The following TUSC3 variants were observed in gnomAD, a reference collection of about 807,000 sequenced individuals.
TUSC3 encodes the protein tumor suppressor candidate 3.
A neutral mutation model predicts 44.8 loss-of-function variants in TUSC3; 45 were observed. The ratio of observed to expected loss-of-function variants is 1.00; its 90% CI spans 0.79 to 1.29. The LOEUF is 1.29. TUSC3 is among the 50% of genes most tolerant of loss of function. The probability of loss-of-function intolerance (pLI) is 0.00; values close to 1 mark genes in which losing one functional copy is unlikely to be tolerated. For synonymous variants in TUSC3, 212 were observed against 152.9 expected (o/e 1.39, Z -2.85); for missense variants, 519 against 437.9 (o/e 1.19, Z -1.65).
chr8:15,625,589 A>G (rs1475515542), intron 2 of TUSC3, among the ~76,000 whole-genome samples: 5 of 152,218 alleles, frequency 3.3e-5, no homozygotes, highest in Non-Finnish European at 7.3e-5. Context: ...ATTTTGTACT[A>G]TAACTGCATG....
At chr8:15,842,334 C>G in the TUSC3 span, among the ~76,000 whole-genome samples, 2 of 152,150 alleles carry the variant, frequency 1.3e-5, no homozygotes, top group African/African-American at 2.4e-5. Flanking sequence ...ATCTATAAAT[C>G]AGTCTTAATA....
chr8:15,704,203 C>T (rs964684957), intron 6 of TUSC3, among the ~76,000 whole-genome samples: 4 of 148,898 alleles, frequency 2.7e-5, no homozygotes, highest in African/African-American at 4.9e-5. Flanking sequence ...TATATAGTAT[C>T]GGAAGATGGA....
At chr8:15,663,056 C>T (rs1034390952) in intron 5 of TUSC3, among the ~76,000 whole-genome samples, 1 of 151,784 alleles carries the variant, frequency 6.6e-6, no homozygotes, top group African/African-American at 2.4e-5. Flanking sequence ...TTCAGCAGTT[C>T]CCAGCTCACA....
At chr8:15,658,423 G>C (rs1807265674) in intron 3 of TUSC3, among the ~76,000 whole-genome samples, 2 of 151,966 alleles carry the variant, frequency 1.3e-5, no homozygotes, top group African/African-American at 4.8e-5. Context: ...AAACTTTGTT[G>C]TTATGGGCAG....
chr8:15,578,087 G>C (rs957165003), intron 1 of TUSC3, among the ~76,000 whole-genome samples: 16 of 150,394 alleles, frequency 1.1e-4, no homozygotes, highest in Non-Finnish European at 1.6e-4. Flanking sequence ...TTGTGAATGG[G>C]AGTTCACTCA....
intron 1 of TUSC3, among the ~76,000 whole-genome samples, chr8:15,563,420 A>G (rs924142838): frequency 1.3e-5 from 2 of 152,068 alleles, no homozygotes; most frequent in African/African-American, 4.8e-5. Context: ...GGAAGATTCA[A>G]GAACAAGCTG....
intron 2 of TUSC3, among the ~76,000 whole-genome samples, chr8:15,631,920 G>T (rs1344152610): frequency 6.6e-6 from 1 of 152,040 alleles, no homozygotes; most frequent in Non-Finnish European, 1.5e-5. Flanking sequence ...TGTTGGCCAG[G>T]CTGGTCTTGA....
chr8:15,533,678 G>C (rs1801480753), intron 2 of TUSC3, among the ~76,000 whole-genome samples: 1 of 152,186 alleles, frequency 6.6e-6, no homozygotes, highest in Admixed American at 6.5e-5. Flanking sequence ...GAAAAAACCT[G>C]AGAGGGGCTT....
intron 2 of TUSC3, among the ~76,000 whole-genome samples, chr8:15,648,034 T>G (rs1296189998): frequency 1.3e-5 from 2 of 152,206 alleles, no homozygotes; most frequent in Non-Finnish European, 2.9e-5. Context: ...TTTGAAGACT[T>G]AATCTCCTTT....
intron 2 of TUSC3, among the ~76,000 whole-genome samples, chr8:15,519,768 T>C: frequency 6.6e-6 from 1 of 152,200 alleles, no homozygotes. Context: ...TAAGTAATTA[T>C]ATAATTGTAG....
intron 1 of TUSC3, among the ~76,000 whole-genome samples, chr8:15,609,583 G>C (rs964096557): frequency 8.6e-5 from 13 of 152,006 alleles, no homozygotes; most frequent in African/African-American, 2.2e-4. Flanking sequence ...AAAAAAAATG[G>C]GAAGCTCATT....
chr8:15,703,792 C>G (rs780156998), intron 6 of TUSC3, among the ~76,000 whole-genome samples: 1 of 152,108 alleles, frequency 6.6e-6, no homozygotes. Context: ...GATCCAAACT[C>G]CTCCTCTCAA....
chr8:15,478,386 A>G (rs1800611058), intron 1 of TUSC3, among the ~76,000 whole-genome samples: 1 of 152,008 alleles, frequency 6.6e-6, no homozygotes, highest in Non-Finnish European at 1.5e-5. Context: ...TCTAGCTACT[A>G]AGGCTCACAT....
chr8:15,532,321 G>GA (rs1009474669), intron 2 of TUSC3, among the ~76,000 whole-genome samples: 13 of 152,168 alleles, frequency 8.5e-5, no homozygotes, highest in African/African-American at 3.1e-4. Flanking sequence ...TTTAAAAAAA[G>GA]AAAAATGGTG....
At chr8:15,605,902 T>G (rs549890009) in intron 1 of TUSC3, among the ~76,000 whole-genome samples, 120 of 152,186 alleles carry the variant, frequency 7.9e-4, no homozygotes, top group Non-Finnish European at 1.4e-3. Context: ...AGGGTGAGCT[T>G]AAGTGTTGCA....
chr8:15,798,654 G>GT, the TUSC3 span, among the ~76,000 whole-genome samples: 1 of 145,350 alleles, frequency 6.9e-6, no homozygotes, highest in Non-Finnish European at 1.5e-5. Flanking sequence ...GTGTGTGGGG[G>GT]GGGTCCTCTT....
At chr8:15,678,792 T>G (rs1289786059) in intron 6 of TUSC3, among the ~76,000 whole-genome samples, 1 of 152,144 alleles carries the variant, frequency 6.6e-6, no homozygotes, top group African/African-American at 2.4e-5. Flanking sequence ...ACTCCCTCTT[T>G]TTGGAGTCCG....
At chr8:15,624,919 T>C (rs1237427298) in intron 2 of TUSC3, among the ~76,000 whole-genome samples, 5 of 152,304 alleles carry the variant, frequency 3.3e-5, no homozygotes, top group South Asian at 2.1e-4. Context: ...TTTTCTAGTT[T>C]GATGTTTTAC....
At chr8:15,435,195 C>T (rs1458004097) in intron 1 of TUSC3, among the ~76,000 whole-genome samples, 1 of 151,216 alleles carries the variant, frequency 6.6e-6, no homozygotes, top group Non-Finnish European at 1.5e-5. Context: ...TCTCCAGCAC[C>T]TGTTGTTTCC....
Sources: allele counts gnomAD v4.1 joint callset (sites outside exome capture counted in the v4.1 genomes callset), GRCh38; gene constraint gnomAD v4.1.1; transcripts MANE v1.5; gene names NCBI Gene and HGNC (gene_info 2026-07-23, HGNC 2026-07-21).